ARAP2: variants seen among roughly 807,000 people sequenced by gnomAD.
ARAP2 encodes the protein arf-GAP with Rho-GAP domain, ANK repeat and PH domain-containing protein 2.
ARAP2 carries 148 observed loss-of-function variants against 194.5 expected under a neutral mutation model. That is an observed-to-expected ratio of 0.76 (90% confidence interval 0.67 to 0.87). The LOEUF (loss-of-function observed/expected upper bound fraction) is 0.87. Ranked by LOEUF, ARAP2 falls within the 40% of genes least tolerant of loss-of-function variation. ARAP2 has a pLI of 0.00. For missense variants in ARAP2, 2,128 were observed against 1,989.7 expected (o/e 1.07, Z -1.32); for synonymous variants, 695 against 683.5 (o/e 1.02, Z -0.26).
Position 36,225,868 on chromosome 4 carries a change from G to T in ARAP2, c.905+2714C>A, listed in dbSNP as rs370174877. ...TCAAGGAATGCACTAAATATCATTT[G>T]CAGGTTCAATATCAATGACCAATCA... On this transcript the variant is annotated intron_variant, in intron 2 of 32. Transcript: ENST00000303965. Among the ~76,000 whole-genome samples the T allele has an allele frequency of 1.0e-3, 157 of 152,188 alleles. 1 individual carries two copies. Among genetic ancestry groups the T allele is most frequent in the South Asian group, 9.3e-3 (45 of 4,814 alleles).
chr4:36,026,409 T>A (rs1329667959), intron 5 of ARAP2, among the ~76,000 whole-genome samples: 1 of 152,218 alleles, frequency 6.6e-6, no homozygotes, highest in African/African-American at 2.4e-5. Flanking sequence ...CATTGCTTGC[T>A]TTGCTGTGCT....
At chr4:36,214,512 T>A in intron 2 of ARAP2, 32 bp from the exon 3 acceptor site, 1 of 1,446,498 alleles carries the variant, frequency 6.9e-7, no homozygotes, top group South Asian at 1.3e-5. Context: ...TACTTATGAG[T>A]GAAAATATTT....
At position 36,155,425 on chromosome 4, in the gene ARAP2, G is replaced by T. The variant is rs10001711; in HGVS notation, c.2752+3305C>A. On this transcript the variant is annotated intron_variant, in intron 15 of 32. Transcript: ENST00000303965. Reference sequence around the variant, plus strand: ...GGGCACTGAATTGATTCCTGAATAAGAAGAAGGAACCAGACTGAGGGAAGT... The same window carrying T: ...GGGCACTGAATTGATTCCTGAATAATAAGAAGGAACCAGACTGAGGGAAGT... Among the ~76,000 whole-genome samples the T allele has an allele frequency of 8.5e-3, 1,291 of 152,224 alleles. 18 individuals carry two copies. The highest frequency in any genetic ancestry group is 0.029 in the African/African-American group (1,218 of 41,528).
intron 27 of ARAP2, among the ~76,000 whole-genome samples, chr4:36,105,594 G>A (rs73125306): frequency 0.018 from 2,793 of 152,004 alleles, 98 homozygotes; most frequent in African/African-American, 0.064. Context: ...TACAGCCAAC[G>A]TACCAGCTGT....
chr4:36,153,410 CCT>C (rs1266708506), intron 15 of ARAP2, among the ~76,000 whole-genome samples: 2 of 152,100 alleles, frequency 1.3e-5, no homozygotes, highest in African/African-American at 4.8e-5. Flanking sequence ...TCCATGAAAC[CCT>C]CTCTGCTCCA....
At chr4:36,050,327 CT>C (rs1180505297) in intron 3 of ARAP2, among the ~76,000 whole-genome samples, 1 of 152,162 alleles carries the variant, frequency 6.6e-6, no homozygotes, top group Non-Finnish European at 1.5e-5. Flanking sequence ...ATTGTTTTAC[CT>C]TTAGGTTTAG....
chr4:36,105,055 A>T (rs1244999571), intron 27 of ARAP2, among the ~76,000 whole-genome samples: 1 of 151,804 alleles, frequency 6.6e-6, no homozygotes, highest in Non-Finnish European at 1.5e-5. Context: ...CTGACATTTT[A>T]CTCCAAAGAA....
Position 36,069,448 on chromosome 4 carries a change from T to C in ARAP2, c.4744-1170A>G, listed in dbSNP as rs571547815. 2.0e-4 allele frequency among the ~76,000 whole-genome samples: 30 copies of C among 152,258 alleles called. 1 individual carries two copies. Among genetic ancestry groups the C allele is most frequent in the African/African-American group, 6.7e-4 (28 of 41,546 alleles). On this transcript the variant is annotated intron_variant, in intron 32 of 32. Transcript: ENST00000303965. The stretch of plus-strand genomic sequence containing the variant: ...ATACAACCAATGCCACTGAATTGTA[T>C]GTATTTTTAAATAAAGTAGAAAATT...
At chr4:36,195,377 T>C (rs1742850888) in intron 6 of ARAP2, among the ~76,000 whole-genome samples, 1 of 152,232 alleles carries the variant, frequency 6.6e-6, no homozygotes, top group Non-Finnish European at 1.5e-5. Context: ...CATTAAATGT[T>C]GAAAGGTAAA....
rs1407193493 is a variant in ARAP2 at position 36,244,225 on chromosome 4, G to GGGAAGCTCAGCGCCGGCGTCTCTC, written c.-230_-207dup. The GGGAAGCTCAGCGCCGGCGTCTCTC allele has an allele frequency of 6.6e-6, 1 of 151,960 alleles. No homozygotes were observed. The highest frequency in any genetic ancestry group is 1.5e-5 in the Non-Finnish European group (1 of 67,972). 9.4% of individuals were successfully genotyped at this position (151,960 alleles called of 1,614,324 possible). A position where few individuals can be genotyped will look rare whatever the true frequency, so the allele number is the denominator to read the frequency against. ...TCGAAAAGCGAGGTGAGGCGGCGCT[G>GGGAAGCTCAGCGCCGGCGTCTCTC]GGAAGCTCAGCGCCGGCGTCTCTCC... On this transcript the variant is annotated 5_prime_UTR_variant, in exon 1 of 33. Transcript: ENST00000303965.
chr4:36,008,428 A>C (rs1419412110), intron 9 of ARAP2, among the ~76,000 whole-genome samples: 1 of 152,150 alleles, frequency 6.6e-6, no homozygotes, highest in Non-Finnish European at 1.5e-5. Flanking sequence ...CTTGACAAAA[A>C]TAAGCAATGG....
At chr4:36,238,321 T>C (rs1166171011) in intron 1 of ARAP2, among the ~76,000 whole-genome samples, 3 of 152,178 alleles carry the variant, frequency 2.0e-5, no homozygotes, top group Non-Finnish European at 2.9e-5. Flanking sequence ...TTGTGGATGT[T>C]TGCAAACCAT....
At chr4:36,232,077 T>A (rs563132002) in intron 1 of ARAP2, among the ~76,000 whole-genome samples, 1 of 152,188 alleles carries the variant, frequency 6.6e-6, no homozygotes, top group Non-Finnish European at 1.5e-5. Context: ...AAGAGGAATC[T>A]CACTAGGAAA....
intron 32 of ARAP2, among the ~76,000 whole-genome samples, chr4:36,069,944 C>A (rs1726429614): frequency 6.6e-6 from 1 of 152,144 alleles, no homozygotes; most frequent in Non-Finnish European, 1.5e-5. Flanking sequence ...CCCCCTCTCT[C>A]TCTTGCTTCT....
downstream of ARAP2, among the ~76,000 whole-genome samples, chr4:36,063,064 T>A (rs1013252746): frequency 1.1e-4 from 17 of 152,194 alleles, no homozygotes; most frequent in African/African-American, 4.1e-4. Flanking sequence ...CTCCATTTTT[T>A]GTTAAAGGGG....
intron 6 of ARAP2, among the ~76,000 whole-genome samples, chr4:36,017,112 A>AATAT (rs3055209): frequency 0.31 from 47,297 of 150,498 alleles, 7,619 homozygotes; most frequent in Middle Eastern, 0.41. Flanking sequence ...TGAAAACTTA[A>AATAT]ATATATATAT....
chr4:36,192,507 G>T (rs1742148068), intron 7 of ARAP2, among the ~76,000 whole-genome samples: 1 of 152,084 alleles, frequency 6.6e-6, no homozygotes, highest in Non-Finnish European at 1.5e-5. Flanking sequence ...ACAGTTTTAT[G>T]GCATGGAAGC....
chr4:36,030,171 A>G (rs1718671193), intron 5 of ARAP2, among the ~76,000 whole-genome samples: 1 of 152,092 alleles, frequency 6.6e-6, no homozygotes, highest in South Asian at 2.1e-4. Flanking sequence ...CTTGAAAGAC[A>G]GCTTGGCTGG....
chr4:36,223,904 T>C (rs1186933839), intron 2 of ARAP2, among the ~76,000 whole-genome samples: 3 of 152,154 alleles, frequency 2.0e-5, no homozygotes, highest in East Asian at 1.9e-4. Context: ...CAGTCTACGG[T>C]ATTTCGTCAT....
Sources: allele counts gnomAD v4.1 joint callset (sites outside exome capture counted in the v4.1 genomes callset), GRCh38; gene constraint gnomAD v4.1.1; transcripts MANE v1.5; gene names NCBI Gene and HGNC (gene_info 2026-07-23, HGNC 2026-07-21).